ATP11A: variants seen among roughly 807,000 people sequenced by gnomAD.
ATP11A encodes the protein phospholipid-transporting ATPase IH.
In ATP11A, 81 loss-of-function variants were observed where a neutral mutation model predicts 154.4. The ratio of observed to expected loss-of-function variants is 0.52; its 90% confidence interval spans 0.44 to 0.63. ATP11A has a LOEUF of 0.63. Among genes scored for constraint, ATP11A ranks in the 30% least tolerant of loss-of-function variants. The pLI is 0.00. For synonymous variants in ATP11A, 623 were observed against 585.9 expected, an observed-to-expected ratio of 1.06 and a Z score of -0.91; for missense variants, 1,316 against 1,474.3, an observed-to-expected ratio of 0.89 and a Z score of 1.76.
chr13:112,728,937 C>T (rs1158455084), intron 1 of ATP11A, among the ~76,000 whole-genome samples: 1 of 152,168 alleles, frequency 6.6e-6, no homozygotes, highest in Non-Finnish European at 1.5e-5. Context: ...CTGCAAACTC[C>T]ACCGTGGCCC....
In ATP11A at chr13:112,770,191, G is replaced by T. The variant is rs535231785; in HGVS notation, c.40-14944G>T. 2.0e-5 allele frequency among the ~76,000 whole-genome samples: 3 copies of T among 152,262 alleles called. No individual in the cohort carries two copies. The East Asian group carries it at 5.8e-4, about 29-fold the overall frequency. ...GTAGGCCAAGAATGATTTGGGGTGA[G>T]AATTTATATTTTTATTTCAGTTCTG... On this transcript the variant is annotated intron_variant, in intron 1 of 29. Coordinates refer to ENST00000375645, the MANE Select transcript of ATP11A (RefSeq NM_015205.3).
At position 112,864,191 on chromosome 13, in the gene ATP11A, G is replaced by C. The variant is rs575388017; in HGVS notation, c.2991+1616G>C. Among the ~76,000 whole-genome samples, 3 of 125,982 alleles carry C rather than the reference G, an allele frequency of 2.4e-5. No individual in the cohort carries two copies. The East Asian group carries it at 8.1e-4, about 34-fold the overall frequency. The allele number at this position is 125,982 out of a possible 152,430, so 82.6% of individuals were successfully genotyped here. A position where few individuals can be genotyped will look rare whatever the true frequency, so the allele number is the denominator to read the frequency against. ...GCAGTAATTCAGTGCAGCACGTGCA[G>C]CTTCCCAGCGGGGTCCATCACCACA... On this transcript the variant is annotated intron_variant, in intron 25 of 29. Coordinates refer to ENST00000375645, the MANE Select transcript of ATP11A (RefSeq NM_015205.3).
At chr13:112,877,231 C>CG (rs1208071270) in intron 28 of ATP11A, among the ~76,000 whole-genome samples, 1 of 152,166 alleles carries the variant, frequency 6.6e-6, no homozygotes, top group Non-Finnish European at 1.5e-5. Flanking sequence ...GAGCAGGAGC[C>CG]GGGGCCCTGG....
intron 1 of ATP11A, among the ~76,000 whole-genome samples, chr13:112,778,955 G>C (rs374754264): frequency 8.4e-6 from 1 of 119,620 alleles, no homozygotes; most frequent in Admixed American, 8.1e-5. Context: ...AGGAGTAGCC[G>C]CTGGAGTGAG....
intron 1 of ATP11A, among the ~76,000 whole-genome samples, chr13:112,733,325 A>T (rs1016619691): frequency 1.3e-5 from 2 of 152,208 alleles, no homozygotes; most frequent in Non-Finnish European, 2.9e-5. Context: ...CACTCACAGG[A>T]TCCTGCTGTG....
chr13:112,877,261 A>G (rs1017894002), intron 28 of ATP11A, among the ~76,000 whole-genome samples: 2 of 152,172 alleles, frequency 1.3e-5, no homozygotes, highest in Non-Finnish European at 2.9e-5. Flanking sequence ...CGCGGCCCCC[A>G]GTGCTTCAGG....
chr13:112,824,314 G>A, intron 9 of ATP11A, 30 bp from the exon 10 acceptor site: 3 of 1,576,992 alleles, frequency 1.9e-6, no homozygotes, highest in Non-Finnish European at 2.6e-6. Context: ...CTTGCGCCCT[G>A]GTCATCACCC....
chr13:112,749,663 C>T (rs1273764155), intron 1 of ATP11A, among the ~76,000 whole-genome samples: 3 of 152,054 alleles, frequency 2.0e-5, no homozygotes, highest in Non-Finnish European at 4.4e-5. Context: ...GAAGGAGAGT[C>T]TCCATCCTCC....
At chr13:112,866,179 A>G (rs1008122331) in intron 25 of ATP11A, among the ~76,000 whole-genome samples, 2 of 152,196 alleles carry the variant, frequency 1.3e-5, no homozygotes, top group East Asian at 1.9e-4. Flanking sequence ...TGGTAAGACA[A>G]TCATGGGTTT....
intron 1 of ATP11A, among the ~76,000 whole-genome samples, chr13:112,720,279 G>A (rs1888999491): frequency 6.6e-6 from 1 of 152,248 alleles, no homozygotes; most frequent in Non-Finnish European, 1.5e-5. Flanking sequence ...AGAAAGGTGG[G>A]ATTTCTTGAA....
At chr13:112,835,615 G>A (rs941524251) in intron 15 of ATP11A, among the ~76,000 whole-genome samples, 3 of 152,196 alleles carry the variant, frequency 2.0e-5, no homozygotes, top group East Asian at 1.9e-4. Context: ...CTGGCACTGC[G>A]GCCAGAGCCC....
At chr13:112,810,356 T>C (rs1176979800) in intron 4 of ATP11A, among the ~76,000 whole-genome samples, 6 of 152,244 alleles carry the variant, frequency 3.9e-5, no homozygotes, top group East Asian at 1.9e-4. Context: ...ATAGTACTTA[T>C]ACACACTTCG....
chr13:112,806,098 A>C (rs1274919422), intron 3 of ATP11A, 115 bp from the exon 4 acceptor site: 11 of 695,554 alleles, frequency 1.6e-5, no homozygotes, highest in East Asian at 2.6e-5. Flanking sequence ...GGTGCCAGCA[A>C]AGGTCTTTAA....
Position 112,690,303 on chromosome 13 carries a change from C to T in ATP11A, c.-114C>T. 1 of 793,758 alleles carries T rather than the reference C, an allele frequency of 1.3e-6. No homozygotes were observed. The highest frequency in any genetic ancestry group is 1.6e-6 in the Non-Finnish European group (1 of 625,786). 49.2% of individuals were successfully genotyped at this position (793,758 alleles called of 1,614,324 possible). ...GCCGCCCCCTGCACCGCCCGGCGCGCCGAGGCCGTGACCGGAGCGGGGGGC... is the reference window on the plus strand; with the variant it reads ...GCCGCCCCCTGCACCGCCCGGCGCGTCGAGGCCGTGACCGGAGCGGGGGGC... On this transcript the variant is annotated 5_prime_UTR_variant, in exon 1 of 30. Transcript: ENST00000375645. The surrounding 1 kb of genome is among the most constrained non-coding windows in gnomAD (Gnocchi z 5.6).
intron 1 of ATP11A, among the ~76,000 whole-genome samples, chr13:112,769,275 C>T (rs148965599): frequency 0.01 from 1,560 of 152,356 alleles, 23 homozygotes; most frequent in African/African-American, 0.034. Context: ...CCCGGCCCCA[C>T]GGCGTGCCTG....
At position 112,882,573 on chromosome 13, in the gene ATP11A, C is replaced by T. The variant is rs958864211; in HGVS notation, c.*707C>T. The T allele has an allele frequency of 2.2e-5, 9 of 410,066 alleles. No individual in the cohort carries two copies. Among genetic ancestry groups the T allele is most frequent in the East Asian group, 1.8e-4 (5 of 28,408 alleles). The allele number at this position is 410,066 out of a possible 1,614,324, so 25.4% of individuals were successfully genotyped here. On this transcript the variant is annotated 3_prime_UTR_variant, in exon 30 of 30. Transcript: ENST00000375645. The surrounding 1 kb of genome is among the most constrained non-coding windows in gnomAD (Gnocchi z 5.1). ...TGCTCATCTGGGAGTGGTTTCCCTGCGGTTACGTCCAAGCCCGCCTGCCCT... is the reference window on the plus strand; with the variant it reads ...TGCTCATCTGGGAGTGGTTTCCCTGTGGTTACGTCCAAGCCCGCCTGCCCT...
chr13:112,748,507 A>C (rs1224529752), intron 1 of ATP11A, among the ~76,000 whole-genome samples: 1 of 152,122 alleles, frequency 6.6e-6, no homozygotes, highest in Non-Finnish European at 1.5e-5. Flanking sequence ...CTGAGACTGT[A>C]GGTATGCGCT....
chr13:112,872,412 A>G (rs1468916044), intron 26 of ATP11A, among the ~76,000 whole-genome samples: 2 of 152,208 alleles, frequency 1.3e-5, no homozygotes, highest in African/African-American at 2.4e-5. Flanking sequence ...GCAGTTCGAG[A>G]CCAGCCTGGC....
At chr13:112,703,286 G>A (rs1253488431) in intron 1 of ATP11A, 3 of 152,134 alleles carry the variant, frequency 2.0e-5, no homozygotes, top group African/African-American at 4.8e-5. Flanking sequence ...CTTCCTCCTC[G>A]TAACCACACA....
Sources: allele counts gnomAD v4.1 joint callset (sites outside exome capture counted in the v4.1 genomes callset), GRCh38; gene constraint gnomAD v4.1.1; non-coding constraint Gnocchi (gnomAD v3.1); transcripts MANE v1.5; gene names NCBI Gene and HGNC (gene_info 2026-07-23, HGNC 2026-07-21).